INTS9: variants seen among roughly 807,000 people sequenced by gnomAD.
INTS9 encodes the protein integrator complex subunit 9.
Under a neutral mutation model 79.7 loss-of-function variants are expected in INTS9, and 55 were observed. That is an observed-to-expected ratio of 0.69 (90% CI 0.56 to 0.86). INTS9 has a LOEUF of 0.86. INTS9 is among the 40% of genes least tolerant of loss of function. INTS9 has a pLI of 0.00. For synonymous variants in INTS9, 319 were observed against 325.2 expected (o/e 0.98, Z 0.20); for missense variants, 721 against 831.5 (o/e 0.87, Z 1.64).
At chr8:28,889,660 G>A (rs1810495959) in intron 1 of INTS9, among the ~76,000 whole-genome samples, 1 of 152,060 alleles carries the variant, frequency 6.6e-6, no homozygotes, top group Non-Finnish European at 1.5e-5. Context: ...ACCCACTAAC[G>A]AGTGAAAAAA....
intron 1 of INTS9, among the ~76,000 whole-genome samples, chr8:28,888,181 C>A (rs960249198): frequency 6.6e-6 from 1 of 152,160 alleles, no homozygotes; most frequent in South Asian, 2.1e-4. Flanking sequence ...GGAAGCTGTC[C>A]CCTGACCTCC....
intron 2 of INTS9, among the ~76,000 whole-genome samples, chr8:28,858,235 T>G (rs1187959589): frequency 6.6e-6 from 1 of 152,204 alleles, no homozygotes; most frequent in Non-Finnish European, 1.5e-5. Flanking sequence ...ATACTTGTTT[T>G]CTAGTCACAA....
At position 28,770,027 on chromosome 8, in the gene INTS9, C is replaced by A; in HGVS notation, c.1663-1G>T. The A allele has an allele frequency of 6.2e-7, 1 of 1,613,484 alleles. No homozygotes were observed. The stretch of plus-strand genomic sequence containing the variant: ...TGGGCTGGGCGGGCCGAGGAGGGGG[C>A]TAGAGCAGAAGGAAAGAGTGGCTTT... On this transcript the variant is annotated splice_acceptor_variant, in intron 15 of 16. Transcript: ENST00000521022. LOFTEE classifies it high-confidence loss of function.
chr8:28,829,838 T>C lies in INTS9; in HGVS notation c.488+5454A>G, dbSNP rs73552964. 5.6e-3 allele frequency among the ~76,000 whole-genome samples: 851 copies of C among 152,268 alleles called. 11 individuals carry two copies. The highest frequency in any genetic ancestry group is 0.019 in the African/African-American group (803 of 41,540). On this transcript the variant is annotated intron_variant, in intron 6 of 16. Coordinates refer to ENST00000521022, the MANE Select transcript of INTS9 (RefSeq NM_018250.4). ...ATTTACAACATCTAGACTTTGAGCT[T>C]CTAAGGAAGGCTTGGCAGCTGTGGG... is the stretch of plus-strand genomic sequence containing the variant.
chr8:28,885,366 C>T (rs995261297), intron 1 of INTS9, among the ~76,000 whole-genome samples: 1 of 152,210 alleles, frequency 6.6e-6, no homozygotes, highest in Non-Finnish European at 1.5e-5. Flanking sequence ...TTCTGAGGCA[C>T]TCAGGCCCCT....
chr8:28,796,283 C>G (rs1804211198), intron 9 of INTS9, among the ~76,000 whole-genome samples: 1 of 152,158 alleles, frequency 6.6e-6, no homozygotes, highest in Admixed American at 6.6e-5. Flanking sequence ...GCACTCAAGC[C>G]TGGGTGACAG....
intron 6 of INTS9, among the ~76,000 whole-genome samples, chr8:28,821,196 CT>C (rs1165873738): frequency 6.6e-6 from 1 of 152,190 alleles, no homozygotes; most frequent in Non-Finnish European, 1.5e-5. Context: ...CGTTTTCACA[CT>C]GCTGATAAAG....
Position 28,889,895 on chromosome 8 carries a change from G to C in INTS9, c.-13C>G. 2 of 1,613,020 alleles carry C rather than the reference G, an allele frequency of 1.2e-6. No homozygotes were observed. The highest frequency in any genetic ancestry group is 1.7e-6 in the Non-Finnish European group (2 of 1,179,174). On this transcript the variant is annotated 5_prime_UTR_variant, in exon 1 of 17. Coordinates refer to ENST00000521022, the MANE Select transcript of INTS9 (RefSeq NM_018250.4). The stretch of plus-strand genomic sequence containing the variant: ...TCACCAGTTTCATAATGGACTTTTG[G>C]TGGTTCAATAGCAGTCACTGAACTC...
chr8:28,866,427 T>C (rs1407128033), intron 1 of INTS9, among the ~76,000 whole-genome samples: 4 of 152,058 alleles, frequency 2.6e-5, no homozygotes, highest in Non-Finnish European at 5.9e-5. Context: ...ATCTGTACTA[T>C]AAGGGGAGCA....
At chr8:28,811,274 C>T (rs773331396) in intron 8 of INTS9, among the ~76,000 whole-genome samples, 15 of 152,022 alleles carry the variant, frequency 9.9e-5, no homozygotes, top group Non-Finnish European at 1.8e-4. Context: ...ATTATAGGTG[C>T]ACACCATCAC....
chr8:28,878,783 C>T (rs1007107696), intron 1 of INTS9, among the ~76,000 whole-genome samples: 1 of 151,916 alleles, frequency 6.6e-6, no homozygotes, highest in African/African-American at 2.4e-5. Context: ...AGTTCGAGAC[C>T]AGCCTGACCA....
rs1461361878 is a variant in INTS9, at chr8:28,769,938, A to G, written c.1751T>C (p.Leu584Ser). The change falls in exon 16 of 17, where the codon TTG becomes TCG. Residue 584 changes from leucine (L) to serine (S), a missense_variant. Leu to Ser is a moderately radical substitution (Grantham distance 145). Transcript: ENST00000521022. Reference protein sequence around the residue: ...DVPDCKVLKPLLSGSIPVEQF... With the variant: ...DVPDCKVLKPSLSGSIPVEQF... ...CTCCACAGGGATGGAACCGCTCAACAAAGGCTTCAGGACTTTGCAGTCTGG... is the reference window on the plus strand; with the variant it reads ...CTCCACAGGGATGGAACCGCTCAACGAAGGCTTCAGGACTTTGCAGTCTGG... The G allele has an allele frequency of 6.2e-7, 1 of 1,614,198 alleles. No individual in the cohort carries two copies. Among genetic ancestry groups the G allele is most frequent in the Non-Finnish European group, 8.5e-7 (1 of 1,180,028 alleles).
intron 1 of INTS9, among the ~76,000 whole-genome samples, chr8:28,882,204 A>G (rs1432972247): frequency 7.2e-6 from 1 of 139,270 alleles, no homozygotes. Context: ...TCAGGGTTAA[A>G]TGGATTAAGG....
intron 6 of INTS9, among the ~76,000 whole-genome samples, chr8:28,827,214 T>G (rs1347469382): frequency 2.6e-5 from 4 of 152,222 alleles, no homozygotes. Flanking sequence ...GTTTCATAAG[T>G]ACTTTCTAAA....
At chr8:28,809,765 C>T (rs1204415864) in intron 8 of INTS9, among the ~76,000 whole-genome samples, 2 of 152,142 alleles carry the variant, frequency 1.3e-5, no homozygotes, top group African/African-American at 4.8e-5. Context: ...ATGATGGTGA[C>T]ATTGATGGGC....
At chr8:28,883,602 G>C (rs1055383914) in intron 1 of INTS9, among the ~76,000 whole-genome samples, 3 of 152,154 alleles carry the variant, frequency 2.0e-5, no homozygotes, top group African/African-American at 7.2e-5. Flanking sequence ...ATACAGTTTT[G>C]ACCATTACAT....
intron 6 of INTS9, among the ~76,000 whole-genome samples, chr8:28,823,057 G>C (rs1805937512): frequency 6.6e-6 from 1 of 152,146 alleles, no homozygotes; most frequent in South Asian, 2.1e-4. Flanking sequence ...CATGGCATTG[G>C]GCCCAAGACA....
At chr8:28,855,298 C>T (rs1000436655) in intron 2 of INTS9, among the ~76,000 whole-genome samples, 2 of 152,160 alleles carry the variant, frequency 1.3e-5, no homozygotes, top group African/African-American at 2.4e-5. Context: ...GAGGGGCAGG[C>T]GTGAAGCCTG....
At chr8:28,830,380 T>A (rs914756493) in intron 6 of INTS9, among the ~76,000 whole-genome samples, 2 of 152,122 alleles carry the variant, frequency 1.3e-5, no homozygotes, top group African/African-American at 4.8e-5. Context: ...ATGCCTATAA[T>A]CCCAGCACTT....
Sources: gnomAD v4.1 joint callset for allele counts (sites outside exome capture counted in the v4.1 genomes callset) on GRCh38, gnomAD v4.1.1 for gene constraint, MANE v1.5 for transcripts, NCBI Gene and HGNC (gene_info 2026-07-23, HGNC 2026-07-21) for gene names.